POR: variants seen among roughly 807,000 people sequenced by gnomAD.
The protein encoded by POR is NADPH--cytochrome P450 reductase.
Under a neutral mutation model 84.0 loss-of-function variants are expected in POR, and 56 were observed. The observed-to-expected ratio is 0.67, with a 90% CI of 0.54 to 0.83. The LOEUF (loss-of-function observed/expected upper bound fraction) is 0.83, where lower values mean the gene tolerates loss of function less well. Among genes scored for constraint, POR ranks in the 40% least tolerant of loss-of-function variants. The pLI, the probability that POR is intolerant of heterozygous loss-of-function variation, is 0.00. For missense variants in POR, 938 were observed against 944.3 expected (o/e 0.99, Z 0.09); for synonymous variants, 414 against 400.5 (o/e 1.03, Z -0.40).
intron 1 of POR, among the ~76,000 whole-genome samples, chr7:75,953,315 G>A (rs1787535261): frequency 7.5e-6 from 1 of 133,114 alleles, no homozygotes; most frequent in African/African-American, 3.3e-5. Flanking sequence ...CGTGGAAAGA[G>A]GGAGGGGGAG....
chr7:75,958,635 G>C (rs1037811560), intron 2 of POR, among the ~76,000 whole-genome samples: 3 of 152,062 alleles, frequency 2.0e-5, no homozygotes, highest in Non-Finnish European at 2.9e-5. Flanking sequence ...TTGCCATGCT[G>C]CTCCTAATTT....
chr7:75,980,612 G>T, intron 5 of POR, 124 bp downstream of exon 5: 1 of 1,595,998 alleles, frequency 6.3e-7, no homozygotes. Context: ...GCCAGGGCAG[G>T]CCACTTGTGA....
chr7:75,954,148 A>G lies in POR; in HGVS notation c.156A>G (p.Glu52=). The change falls in exon 2 of 16, where the codon GAA becomes GAG. Residue 52 remains glutamate, a synonymous_variant. Coordinates refer to ENST00000461988, the MANE Select transcript of POR (RefSeq NM_000941.3). ...GGTTCCTCTTCAGAAAGAAAAAAGA[A>G]GAAGTCCCCGAGTTCACCAAAATTC... 1 of 1,612,554 alleles carries G rather than the reference A, an allele frequency of 6.2e-7. No homozygotes were observed. Among genetic ancestry groups the G allele is most frequent in the Non-Finnish European group, 8.5e-7 (1 of 1,179,272 alleles).
chr7:75,981,453 C>A, intron 6 of POR, 64 bp from the exon 7 acceptor site: 1 of 1,477,916 alleles, frequency 6.8e-7, no homozygotes, highest in Non-Finnish European at 9.3e-7. Flanking sequence ...GCGTGCCTGG[C>A]ACCAGGTACC....
At chr7:75,965,831 G>A (rs1419670228) in intron 2 of POR, among the ~76,000 whole-genome samples, 4 of 152,082 alleles carry the variant, frequency 2.6e-5, no homozygotes, top group East Asian at 1.9e-4. Flanking sequence ...ATGAGGGAGC[G>A]GCAGCCCACC....
chr7:75,966,262 C>T (rs41296488), intron 2 of POR, among the ~76,000 whole-genome samples: 11,017 of 152,268 alleles, frequency 0.072, 528 homozygotes, highest in South Asian at 0.14. Flanking sequence ...CAGCTGTCTC[C>T]AGCAGCTGCC....
chr7:75,971,957 G>A (rs148032425), intron 2 of POR, among the ~76,000 whole-genome samples: 1 of 152,214 alleles, frequency 6.6e-6, no homozygotes, highest in Non-Finnish European at 1.5e-5. Flanking sequence ...GTTGAAGAGC[G>A]GAGCAGGGAA....
chr7:75,933,844 ATG>A (rs149976813), intron 1 of POR, among the ~76,000 whole-genome samples: 46 of 150,624 alleles, frequency 3.1e-4, no homozygotes, highest in Admixed American at 7.9e-4. Context: ...TGCTTTATCA[ATG>A]TGTGTGTGTG....
intron 2 of POR, among the ~76,000 whole-genome samples, chr7:75,972,098 T>C (rs1463941013): frequency 2.6e-5 from 4 of 151,958 alleles, no homozygotes; most frequent in Non-Finnish European, 4.4e-5. Flanking sequence ...GGCTCTTCCT[T>C]GAGGGAAACA....
intron 8 of POR, 109 bp downstream of exon 8, chr7:75,982,431 C>A (rs955681575): frequency 2.8e-5 from 26 of 914,026 alleles, no homozygotes; most frequent in Admixed American, 1.9e-4. Context: ...TCTCACCAGA[C>A]CCCGTGCCCC....
intron 12 of POR, 86 bp from the exon 13 acceptor site, chr7:75,985,467 TGGGCTGGAAGAGGCCCTGGGTGAGTG>T (rs1789380457): frequency 7.5e-6 from 10 of 1,327,366 alleles, no homozygotes; most frequent in Non-Finnish European, 9.0e-6. Flanking sequence ...GGGTGCCAGG[TGGGCTGGAAGAGGCCCTGGGTGAGTG>T]GGGCTGGCCT....
At position 75,928,389 on chromosome 7, in the gene POR, G is replaced by A. The variant is rs150574581; in HGVS notation, c.-5+13210G>A. On this transcript the variant is annotated intron_variant, in intron 1 of 15. Coordinates refer to ENST00000461988, the MANE Select transcript of POR (RefSeq NM_000941.3). ...CTAGTCGTGGACACCTGCAGCAGAC[G>A]TATGTTCACTGCGTGTTTCTGGGCT... is the stretch of plus-strand genomic sequence containing the variant. Among the ~76,000 whole-genome samples, 831 of 152,330 alleles carry A rather than the reference G, an allele frequency of 5.5e-3. 4 individuals carry two copies. The highest frequency in any genetic ancestry group is 0.027 in the Middle Eastern group (8 of 294).
In POR at chr7:75,954,034, C is replaced by A; in HGVS notation, c.42C>A (p.Thr14=). The change falls in exon 2 of 16, where the codon ACC becomes ACA. Residue 14 remains threonine, a synonymous_variant. Transcript: ENST00000461988. ...ACTCCCACGTGGACACCAGCTCCAC[C>A]GTGTCCGAGGCGGTGGCCGAAGAAG... 6.2e-7 allele frequency: 1 copy of A among 1,608,948 alleles called. No individual in the cohort carries two copies. Among genetic ancestry groups the A allele is most frequent in the Non-Finnish European group, 8.5e-7 (1 of 1,177,556 alleles).
intron 1 of POR, among the ~76,000 whole-genome samples, chr7:75,929,642 C>T (rs34980601): frequency 0.038 from 5,799 of 152,246 alleles, 156 homozygotes; most frequent in Middle Eastern, 0.058. Context: ...ATGACCAATA[C>T]GGTGCCCTCT....
chr7:75,920,056 CTTTT>C (rs71519397), intron 1 of POR, among the ~76,000 whole-genome samples: 42 of 76,500 alleles, frequency 5.5e-4, no homozygotes, highest in African/African-American at 2.0e-3. Context: ...AGTTGAATTT[CTTTT>C]TTTTTTTTTT....
intron 4 of POR, 62 bp downstream of exon 4, chr7:75,979,641 G>A (rs1585127282): frequency 1.9e-6 from 3 of 1,589,050 alleles, no homozygotes; most frequent in East Asian, 2.3e-5. Flanking sequence ...GAGCAGGTCT[G>A]TAGGGCGCCC....
chr7:75,968,397 A>G (rs1249761445), intron 2 of POR: 9 of 401,990 alleles, frequency 2.2e-5, no homozygotes, highest in Non-Finnish European at 4.6e-5. Flanking sequence ...CAAAGGAAGG[A>G]ATTTGGACTG....
chr7:75,968,858 A>C (rs1788307964), intron 2 of POR, among the ~76,000 whole-genome samples: 1 of 152,056 alleles, frequency 6.6e-6, no homozygotes, highest in South Asian at 2.1e-4. Context: ...TGCTTTGTCC[A>C]ACTGCGTCAG....
chr7:75,920,419 G>A (rs1469731020), intron 1 of POR, among the ~76,000 whole-genome samples: 2 of 152,106 alleles, frequency 1.3e-5, no homozygotes, highest in African/African-American at 4.8e-5. Context: ...AATAGAAGGG[G>A]GAAAGTTGCC....
Sources: allele counts gnomAD v4.1 joint callset (sites outside exome capture counted in the v4.1 genomes callset), GRCh38; gene constraint gnomAD v4.1.1; transcripts MANE v1.5; gene names NCBI Gene and HGNC (gene_info 2026-07-23, HGNC 2026-07-21).